Variants in NRXN3 observed in about 807,000 individuals in gnomAD.
NRXN3 encodes neurexin 3.
In NRXN3, 32 loss-of-function variants were observed where a neutral mutation model predicts 137.6. The observed-to-expected ratio is 0.23, with a 90% CI of 0.18 to 0.31. The LOEUF (loss-of-function observed/expected upper bound fraction) is 0.31, where lower values mean the gene tolerates loss of function less well. Ranked by LOEUF, NRXN3 falls within the 10% of genes least tolerant of loss-of-function variation. The pLI, the probability that NRXN3 is intolerant of heterozygous loss-of-function variation, is 1.00. For synonymous variants in NRXN3, 798 were observed against 784.5 expected, an observed-to-expected ratio of 1.02 and a Z score of -0.29; for missense variants, 1,574 against 2,062.5, an observed-to-expected ratio of 0.76 and a Z score of 4.59.
At chr14:78,871,309 A>G (rs997395273) in intron 10 of NRXN3, among the ~76,000 whole-genome samples, 2 of 151,828 alleles carry the variant, frequency 1.3e-5, no homozygotes, top group Non-Finnish European at 2.9e-5. Context: ...TCTGATGACA[A>G]TCTACAAGTT....
intron 4 of NRXN3, among the ~76,000 whole-genome samples, chr14:78,353,977 C>T (rs2083916849): frequency 1.3e-5 from 2 of 152,136 alleles, no homozygotes; most frequent in South Asian, 2.1e-4. Flanking sequence ...TATTTTTTCT[C>T]AGTGACCTGC....
intron 10 of NRXN3, among the ~76,000 whole-genome samples, chr14:78,893,644 C>G (rs2099165558): frequency 6.6e-6 from 1 of 151,900 alleles, no homozygotes; most frequent in African/African-American, 2.4e-5. Context: ...ACCATTAAGC[C>G]TTCTTGAGCA....
At chr14:79,494,899 G>A (rs1220433794) in intron 16 of NRXN3, among the ~76,000 whole-genome samples, 1 of 152,120 alleles carries the variant, frequency 6.6e-6, no homozygotes, top group Non-Finnish European at 1.5e-5. Context: ...ATTTTATGTA[G>A]CTGTCCTGTC....
intron 15 of NRXN3, among the ~76,000 whole-genome samples, chr14:79,348,695 A>T (rs1389344034): frequency 6.6e-6 from 1 of 152,108 alleles, no homozygotes; most frequent in Non-Finnish European, 1.5e-5. Context: ...TTAATTTGTC[A>T]CTTAGAGTAG....
chr14:79,482,626 A>G (rs567677461), intron 16 of NRXN3, among the ~76,000 whole-genome samples: 4 of 152,264 alleles, frequency 2.6e-5, no homozygotes, highest in Middle Eastern at 6.8e-3. Context: ...CTGAACATCC[A>G]TCTACATTTC....
intron 15 of NRXN3, among the ~76,000 whole-genome samples, chr14:79,195,951 T>C (rs1332439230): frequency 1.3e-5 from 2 of 152,210 alleles, no homozygotes; most frequent in East Asian, 3.8e-4. Context: ...TTTTACAGAT[T>C]AGTTTTTGCT....
chr14:79,729,358 A>T (rs996167373), intron 19 of NRXN3, among the ~76,000 whole-genome samples: 1 of 152,218 alleles, frequency 6.6e-6, no homozygotes, highest in Non-Finnish European at 1.5e-5. Context: ...GGAGAAAAAG[A>T]AAAGCATGCC....
chr14:78,777,011 T>C (rs188842524), intron 8 of NRXN3, among the ~76,000 whole-genome samples: 3 of 152,326 alleles, frequency 2.0e-5, no homozygotes, highest in African/African-American at 7.2e-5. Flanking sequence ...TAAGGCTTTC[T>C]TTTTACCTAT....
At position 79,666,886 on chromosome 14, in the gene NRXN3, G is replaced by A. The variant is rs78505703; in HGVS notation, c.3616+2937G>A. On this transcript the variant is annotated intron_variant, in intron 17 of 20. Coordinates refer to ENST00000335750, the MANE Select transcript of NRXN3 (RefSeq NM_001330195.2). Reference sequence around the variant, plus strand: ...CATGAAGCAGCTGAAAGAATAGTGAGTATTTAAAGGAGCTATATCCCCTTA... The same window carrying A: ...CATGAAGCAGCTGAAAGAATAGTGAATATTTAAAGGAGCTATATCCCCTTA... 2.0e-5 allele frequency among the ~76,000 whole-genome samples: 3 copies of A among 151,956 alleles called. No individual in the cohort carries two copies. The East Asian group carries it at 5.8e-4, about 30-fold the overall frequency.
intron 16 of NRXN3, among the ~76,000 whole-genome samples, chr14:79,470,926 G>C (rs552668685): frequency 8.5e-5 from 9 of 105,424 alleles, no homozygotes; most frequent in African/African-American, 3.4e-4. Flanking sequence ...GTGTGAGAGA[G>C]AGAGAGAGAG....
At chr14:79,539,818 A>G (rs1444634859) in intron 16 of NRXN3, among the ~76,000 whole-genome samples, 1 of 152,208 alleles carries the variant, frequency 6.6e-6, no homozygotes, top group East Asian at 1.9e-4. Flanking sequence ...GTGGCTGTGC[A>G]TGGACACAGA....
chr14:78,277,164 A>G (rs1043510716), intron 2 of NRXN3, among the ~76,000 whole-genome samples: 7 of 152,158 alleles, frequency 4.6e-5, no homozygotes, highest in African/African-American at 1.7e-4. Flanking sequence ...GTTGGTCAGC[A>G]CCTGGATTTC....
At chr14:79,180,147 G>A (rs984837780) in intron 15 of NRXN3, among the ~76,000 whole-genome samples, 15 of 151,946 alleles carry the variant, frequency 9.9e-5, no homozygotes, top group Non-Finnish European at 1.5e-4. Context: ...CATGTGGTTT[G>A]TGGCTTATGG....
rs557679941 is a variant in NRXN3, at chr14:78,958,601, C to T, written c.2395+1240C>T. Among the ~76,000 whole-genome samples, 20 of 152,216 alleles carry T rather than the reference C, an allele frequency of 1.3e-4. No homozygotes were observed. The East Asian group carries it at 1.7e-3, about 13-fold the overall frequency. On this transcript the variant is annotated intron_variant, in intron 11 of 20. Transcript: ENST00000335750. ...CCATCTCCTGACCTCCTGATCCACCCGCCTCGGCCTCCCAAAGTGCTGGGA... is the reference window on the plus strand; with the variant it reads ...CCATCTCCTGACCTCCTGATCCACCTGCCTCGGCCTCCCAAAGTGCTGGGA...
chr14:79,822,160 G>T (rs1445488665), intron 20 of NRXN3, among the ~76,000 whole-genome samples: 4 of 152,130 alleles, frequency 2.6e-5, no homozygotes, highest in Non-Finnish European at 5.9e-5. Context: ...CTGTGGCACA[G>T]ACTCAAATAT....
chr14:78,454,224 G>C (rs1598870161), intron 4 of NRXN3, among the ~76,000 whole-genome samples: 1 of 152,044 alleles, frequency 6.6e-6, no homozygotes, highest in East Asian at 1.9e-4. Flanking sequence ...CTGTATGATA[G>C]GTATTTCATG....
chr14:79,666,095 C>T (rs947111664), intron 17 of NRXN3, among the ~76,000 whole-genome samples: 12 of 152,104 alleles, frequency 7.9e-5, no homozygotes, highest in African/African-American at 2.9e-4. Flanking sequence ...ATTCAAAATA[C>T]AGTAACACTG....
chr14:78,987,894 T>C (rs2099510307), intron 14 of NRXN3, 128 bp from the exon 15 acceptor site: 2 of 986,784 alleles, frequency 2.0e-6, no homozygotes, highest in African/African-American at 1.6e-5. Context: ...TTGACAATTT[T>C]GGTGGTGTGT....
chr14:79,028,554 CAA>C (rs1354815415), intron 15 of NRXN3, among the ~76,000 whole-genome samples: 2 of 152,144 alleles, frequency 1.3e-5, no homozygotes, highest in Admixed American at 1.3e-4. Context: ...GTGGATCAAA[CAA>C]AAGAGATGAC....
Sources: allele counts gnomAD v4.1 joint callset (sites outside exome capture counted in the v4.1 genomes callset), GRCh38; gene constraint gnomAD v4.1.1; transcripts MANE v1.5; gene names NCBI Gene and HGNC (gene_info 2026-07-23, HGNC 2026-07-21).